The following EGFLAM variants were observed in gnomAD, a reference collection of about 807,000 sequenced individuals.
EGFLAM encodes pikachurin.
Under a neutral mutation model 113.1 loss-of-function variants are expected in EGFLAM, and 79 were observed. The ratio of observed to expected loss-of-function variants is 0.70; its 90% confidence interval spans 0.58 to 0.84. The LOEUF (loss-of-function observed/expected upper bound fraction) is 0.84. EGFLAM is among the 40% of genes least tolerant of loss of function. The pLI is 0.00. For missense variants in EGFLAM, 1,265 were observed against 1,291.6 expected, an observed-to-expected ratio of 0.98 and a Z score of 0.32; for synonymous variants, 504 against 487.6, an observed-to-expected ratio of 1.03 and a Z score of -0.44.
chr5:38,332,833 C>G (rs1739081119), intron 1 of EGFLAM, among the ~76,000 whole-genome samples: 1 of 152,168 alleles, frequency 6.6e-6, no homozygotes, highest in Non-Finnish European at 1.5e-5. Context: ...CCAGGTGTTC[C>G]TTGCCCTCAT....
At chr5:38,379,634 A>G (rs556837276) in intron 6 of EGFLAM, among the ~76,000 whole-genome samples, 17 of 150,100 alleles carry the variant, frequency 1.1e-4, no homozygotes, top group African/African-American at 4.2e-4. Context: ...GGGTGCCCTC[A>G]GTGTGAAGCA....
intron 5 of EGFLAM, among the ~76,000 whole-genome samples, chr5:38,354,953 G>A (rs1350277093): frequency 1.3e-5 from 2 of 152,198 alleles, no homozygotes; most frequent in African/African-American, 4.8e-5. Context: ...GAAGAACTGG[G>A]AGAGAGTGCT....
rs141381972 is a variant in EGFLAM, at chr5:38,445,570, G to A, written c.2465-2731G>A. 1,927 of 1,595,494 alleles carry A rather than the reference G, an allele frequency of 1.2e-3. 17 individuals carry two copies. The African/African-American group carries it at 0.019, about 15-fold the overall frequency. ...TCTGGACTCTCGGGCAGAGCTTTGT[G>A]AGAGAAACAAGGCTGGCTTCAAGTG... On this transcript the variant is annotated intron_variant, in intron 17 of 21. Transcript: ENST00000322350.
At chr5:38,268,004 C>T (rs143367544) in intron 1 of EGFLAM, among the ~76,000 whole-genome samples, 372 of 152,270 alleles carry the variant, frequency 2.4e-3, no homozygotes, top group African/African-American at 8.6e-3. Flanking sequence ...AAGCTACTTT[C>T]GAGTGGCTGA....
chr5:38,460,273 AGTT>A (rs1249358622), intron 20 of EGFLAM, among the ~76,000 whole-genome samples: 1 of 152,180 alleles, frequency 6.6e-6, no homozygotes, highest in Non-Finnish European at 1.5e-5. Context: ...AAGCCTTCCC[AGTT>A]GTTGTTGGGG....
intron 6 of EGFLAM, among the ~76,000 whole-genome samples, chr5:38,400,415 T>C (rs17425784): frequency 0.12 from 18,130 of 152,274 alleles, 1,480 homozygotes; most frequent in Non-Finnish European, 0.17. Flanking sequence ...TTTAATGTTC[T>C]CTTTTCCTAA....
chr5:38,399,363 C>T (rs767137511), intron 6 of EGFLAM, among the ~76,000 whole-genome samples: 10 of 149,430 alleles, frequency 6.7e-5, no homozygotes, highest in African/African-American at 7.4e-5. Flanking sequence ...CTGCAACCTC[C>T]GCCTCCCAGG....
At chr5:38,271,946 T>C (rs1418188803) in intron 1 of EGFLAM, among the ~76,000 whole-genome samples, 2 of 152,234 alleles carry the variant, frequency 1.3e-5, no homozygotes, top group East Asian at 1.9e-4. Flanking sequence ...TGTGATTAAT[T>C]TGATCCTATT....
chr5:38,341,389 C>T (rs903536138), intron 3 of EGFLAM, among the ~76,000 whole-genome samples: 2 of 152,184 alleles, frequency 1.3e-5, no homozygotes, highest in Admixed American at 1.3e-4. Context: ...CTTATAAAAT[C>T]ATCAGCTCTT....
rs552826725 is a variant in EGFLAM at position 38,427,369 on chromosome 5, T to C, written c.2054+117T>C. Reference sequence around the variant, plus strand: ...ACTCATCCTGTCTTCTCTACATGCTTATCTTCTGAAACTTGTCCTGACTTG... The same window carrying C: ...ACTCATCCTGTCTTCTCTACATGCTCATCTTCTGAAACTTGTCCTGACTTG... On this transcript the variant is annotated intron_variant, in intron 14 of 21. Coordinates refer to ENST00000322350, the MANE Select transcript of EGFLAM (RefSeq NM_152403.4). 12 of 1,499,994 alleles carry C rather than the reference T, an allele frequency of 8.0e-6. No individual in the cohort carries two copies. The African/African-American group carries it at 1.4e-4, about 17-fold the overall frequency. The allele number at this position is 1,499,994 out of a possible 1,614,324, so 92.9% of individuals were successfully genotyped here. A position where few individuals can be genotyped will look rare whatever the true frequency, so the allele number is the denominator to read the frequency against.
intron 1 of EGFLAM, among the ~76,000 whole-genome samples, chr5:38,281,932 C>T (rs1048469540): frequency 1.3e-5 from 2 of 152,230 alleles, no homozygotes; most frequent in African/African-American, 4.8e-5. Context: ...TTTCTGGACA[C>T]AAATGAAATA....
At chr5:38,270,923 T>G (rs1389899634) in intron 1 of EGFLAM, among the ~76,000 whole-genome samples, 1 of 152,204 alleles carries the variant, frequency 6.6e-6, no homozygotes, top group Non-Finnish European at 1.5e-5. Flanking sequence ...CCCCAAATAT[T>G]GACAACATTG....
rs2112275404 is a variant in EGFLAM, at chr5:38,454,877, G to GTA, written c.2687+3425_2687+3426dup. 3.3e-5 allele frequency among the ~76,000 whole-genome samples: 5 copies of GTA among 152,290 alleles called. No homozygotes were observed. The South Asian group carries it at 1.0e-3, about 32-fold the overall frequency. On this transcript the variant is annotated intron_variant, in intron 19 of 21. Transcript: ENST00000322350. ...GGAAAAACAATGGGATTCTAAAAAT[G>GTA]TATATATGTATATATATTTATAGTT...
Position 38,418,052 on chromosome 5 carries a change from C to A in EGFLAM, c.1495-14C>A. 1.2e-6 allele frequency: 2 copies of A among 1,603,966 alleles called. No homozygotes were observed. The highest frequency in any genetic ancestry group is 2.2e-5 in the South Asian group (2 of 89,868). ...TTTAGTGAGAGTATTCATGAGTGGT[C>A]ATCTTTCTTAAAGGGCCAATACAGT... On this transcript the variant is annotated splice_polypyrimidine_tract_variant and intron_variant, in intron 11 of 21. Transcript: ENST00000322350.
chr5:38,363,025 A>G (rs1185663932), intron 5 of EGFLAM, among the ~76,000 whole-genome samples: 1 of 152,146 alleles, frequency 6.6e-6, no homozygotes, highest in Non-Finnish European at 1.5e-5. Context: ...TCATAACACC[A>G]TTGTATCCAT....
intron 6 of EGFLAM, among the ~76,000 whole-genome samples, chr5:38,376,441 A>T (rs184887566): frequency 6.6e-6 from 1 of 152,334 alleles, no homozygotes; most frequent in East Asian, 1.9e-4. Flanking sequence ...TACTATCCTC[A>T]TGATATGAGC....
At chr5:38,405,079 C>T (rs1420601459) in intron 6 of EGFLAM, among the ~76,000 whole-genome samples, 1 of 152,192 alleles carries the variant, frequency 6.6e-6, no homozygotes, top group Non-Finnish European at 1.5e-5. Context: ...CCCCAAGATA[C>T]CTTATAGGGC....
At chr5:38,271,771 G>A (rs1757770616) in intron 1 of EGFLAM, among the ~76,000 whole-genome samples, 1 of 152,184 alleles carries the variant, frequency 6.6e-6, no homozygotes, top group Non-Finnish European at 1.5e-5. Flanking sequence ...CTTGACTCAT[G>A]TCTTCTGTTA....
intron 1 of EGFLAM, among the ~76,000 whole-genome samples, chr5:38,304,137 A>T (rs889960395): frequency 2.3e-4 from 35 of 152,180 alleles, no homozygotes; most frequent in Non-Finnish European, 4.7e-4. Context: ...TAAAAAAAAA[A>T]AAAAGAAAGA....
Sources: gnomAD v4.1 joint callset for allele counts (sites outside exome capture counted in the v4.1 genomes callset) on GRCh38, gnomAD v4.1.1 for gene constraint, MANE v1.5 for transcripts, NCBI Gene and HGNC (gene_info 2026-07-23, HGNC 2026-07-21) for gene names.